Variants in MARCHF2 observed in about 807,000 individuals in gnomAD.
MARCHF2 encodes the protein membrane associated ring-CH-type finger 2.
In MARCHF2, 22 loss-of-function variants were observed where a neutral mutation model predicts 24.0. That is an observed-to-expected ratio of 0.92 (90% CI 0.66 to 1.31). The LOEUF is 1.31. Among genes scored for constraint, MARCHF2 ranks in the 50% most tolerant of loss-of-function variants. The pLI, the probability that MARCHF2 is intolerant of heterozygous loss-of-function variation, is 0.00. For synonymous variants in MARCHF2, 154 were observed against 153.0 expected (o/e 1.01, Z -0.05); for missense variants, 301 against 335.3 (o/e 0.90, Z 0.80).
At chr19:8,437,467 T>A (rs1246258886) in intron 4 of MARCHF2, among the ~76,000 whole-genome samples, 1 of 147,024 alleles carries the variant, frequency 6.8e-6, no homozygotes, top group Admixed American at 7.1e-5. Context: ...TTCTCCTGCC[T>A]CAGCGTCCCG....
At chr19:8,419,749 G>A (rs1390018094) in intron 1 of MARCHF2, among the ~76,000 whole-genome samples, 1 of 147,908 alleles carries the variant, frequency 6.8e-6, no homozygotes, top group African/African-American at 2.6e-5. Flanking sequence ...CCGGGAGGCA[G>A]AGCTTGCAGT....
chr19:8,430,580 C>T lies in MARCHF2; in HGVS notation c.373-78C>T. On this transcript the variant is annotated intron_variant, in intron 3 of 4. Transcript: ENST00000215555. This position sits in a 1 kb window ranked among gnomAD's most constrained non-coding sequence, Gnocchi z 4.4. The stretch of plus-strand genomic sequence containing the variant: ...AGGAAAGGACAGAGGGAGGCCTAGG[C>T]CTGGAGGTCCTTACCCCTCCCCCTC... 8.7e-7 allele frequency: 1 copy of T among 1,147,938 alleles called. No homozygotes were observed. Among genetic ancestry groups the T allele is most frequent in the Non-Finnish European group, 1.3e-6 (1 of 778,628 alleles). The allele number at this position is 1,147,938 out of a possible 1,614,324, so 71.1% of individuals were successfully genotyped here.
intron 2 of MARCHF2, among the ~76,000 whole-genome samples, chr19:8,423,980 T>G (rs1967324482): frequency 9.0e-6 from 1 of 110,858 alleles, no homozygotes; most frequent in African/African-American, 3.5e-5. Flanking sequence ...CCAGCCTGGG[T>G]GACTCAAAAA....
intron 3 of MARCHF2, among the ~76,000 whole-genome samples, chr19:8,429,479 C>CTTATTA (rs144546795): frequency 0.058 from 8,297 of 142,234 alleles, 295 homozygotes; most frequent in East Asian, 0.1. Context: ...AATGAAAGAA[C>CTTATTA]TTATTATTAT....
intron 1 of MARCHF2, among the ~76,000 whole-genome samples, chr19:8,420,204 T>C (rs1203288010): frequency 6.7e-6 from 1 of 148,314 alleles, no homozygotes; most frequent in East Asian, 2.0e-4. Context: ...AATAATTAGC[T>C]GAGTGTGGTG....
intron 2 of MARCHF2, among the ~76,000 whole-genome samples, chr19:8,422,388 C>T (rs546524468): frequency 2.0e-4 from 31 of 152,094 alleles, no homozygotes; most frequent in Non-Finnish European, 3.5e-4. Context: ...ATTACTTCAC[C>T]ACTGTATCTC....
intron 2 of MARCHF2, among the ~76,000 whole-genome samples, chr19:8,424,907 C>T (rs1221685289): frequency 6.6e-6 from 1 of 152,000 alleles, no homozygotes; most frequent in African/African-American, 2.4e-5. Flanking sequence ...GCGTGCTGTT[C>T]TATTTTCTTT....
intron 1 of MARCHF2, among the ~76,000 whole-genome samples, chr19:8,418,111 G>A (rs1374324331): frequency 6.6e-6 from 1 of 152,056 alleles, no homozygotes; most frequent in African/African-American, 2.4e-5. Flanking sequence ...AGCCTCAGAA[G>A]GGCTGGGCTG....
intron 1 of MARCHF2, 55 bp from the exon 2 acceptor site, chr19:8,421,734 T>G: frequency 1.0e-6 from 1 of 990,768 alleles, no homozygotes; most frequent in Non-Finnish European, 1.5e-6. Context: ...ACTCAAACCT[T>G]AGTCCGTCAG....
chr19:8,429,803 CTTTT>C lies in MARCHF2; in HGVS notation c.373-835_373-832del, dbSNP rs371323385. The stretch of plus-strand genomic sequence containing the variant: ...ACAGACGTGAACCACCACACCAGGG[CTTTT>C]TTTTTTTTTTTTTTTTTTTAGCCCA... On this transcript the variant is annotated intron_variant, in intron 3 of 4. Transcript: ENST00000215555. Among the ~76,000 whole-genome samples, 32 of 79,670 alleles carry C rather than the reference CTTTT, an allele frequency of 4.0e-4. 1 individual carries two copies. The highest frequency in any genetic ancestry group is 8.4e-4 in the African/African-American group (20 of 23,702). 52.3% of individuals were successfully genotyped at this position (79,670 alleles called of 152,430 possible).
At chr19:8,437,383 G>A (rs1236663474) in intron 4 of MARCHF2, among the ~76,000 whole-genome samples, 82 of 122,368 alleles carry the variant, frequency 6.7e-4, no homozygotes, top group African/African-American at 2.4e-3. Context: ...ACGGAGTCTC[G>A]CTCTGTCGCC....
intron 1 of MARCHF2, chr19:8,418,321 C>T (rs1967139130): frequency 1.3e-5 from 2 of 152,238 alleles, no homozygotes; most frequent in South Asian, 4.1e-4. Flanking sequence ...GCAATACTTG[C>T]TTATCTGGCC....
chr19:8,424,281 G>A (rs925072729), intron 2 of MARCHF2, among the ~76,000 whole-genome samples: 3 of 152,136 alleles, frequency 2.0e-5, no homozygotes, highest in Admixed American at 1.3e-4. Context: ...AGAGGAGCAG[G>A]TGAGCACTTC....
intron 1 of MARCHF2, among the ~76,000 whole-genome samples, chr19:8,416,501 C>T (rs149169224): frequency 2.7e-4 from 41 of 152,100 alleles, no homozygotes; most frequent in African/African-American, 8.9e-4. Flanking sequence ...TGGCTAAATA[C>T]GTAGGTGAAT....
intron 4 of MARCHF2, among the ~76,000 whole-genome samples, chr19:8,433,051 T>A (rs1319047066): frequency 6.6e-6 from 1 of 151,610 alleles, no homozygotes; most frequent in African/African-American, 2.4e-5. Context: ...AAACCCCATC[T>A]CTAGAAAAAA....
At chr19:8,426,846 G>A in intron 3 of MARCHF2, 42 bp downstream of exon 3, 1 of 1,574,758 alleles carries the variant, frequency 6.4e-7, no homozygotes, top group Non-Finnish European at 8.7e-7. Context: ...AGTGGGGAGA[G>A]GGCAGACATG....
chr19:8,421,673 G>T (rs1419701037), intron 1 of MARCHF2, 116 bp from the exon 2 acceptor site: 5 of 548,584 alleles, frequency 9.1e-6, no homozygotes, highest in Middle Eastern at 4.7e-4. Flanking sequence ...TGCAAACTGA[G>T]GCTCAGAGAT....
intron 4 of MARCHF2, among the ~76,000 whole-genome samples, chr19:8,433,509 T>A (rs1362653776): frequency 6.6e-6 from 1 of 151,260 alleles, no homozygotes; most frequent in Non-Finnish European, 1.5e-5. Context: ...AAACCGTGTC[T>A]CTACTAAAAA....
chr19:8,413,528 G>C (rs898900992), intron 1 of MARCHF2, 108 bp downstream of exon 1: 1 of 152,278 alleles, frequency 6.6e-6, no homozygotes, highest in East Asian at 1.9e-4. Flanking sequence ...TCGATCCCTT[G>C]GCCACAGCCT....
Sources: allele counts gnomAD v4.1 joint callset (sites outside exome capture counted in the v4.1 genomes callset), GRCh38; gene constraint gnomAD v4.1.1; non-coding constraint Gnocchi (gnomAD v3.1); transcripts MANE v1.5; gene names NCBI Gene and HGNC (gene_info 2026-07-23, HGNC 2026-07-21).